The following PTPRR variants were observed in gnomAD, a reference collection of about 807,000 sequenced individuals.
PTPRR encodes the protein receptor-type tyrosine-protein phosphatase R.
Under a neutral mutation model 77.2 loss-of-function variants are expected in PTPRR, and 38 were observed. The ratio of observed to expected loss-of-function variants is 0.49; its 90% CI spans 0.38 to 0.65. The LOEUF (loss-of-function observed/expected upper bound fraction) is 0.65, where lower values mean the gene tolerates loss of function less well. Ranked by LOEUF, PTPRR falls within the 30% of genes least tolerant of loss-of-function variation. The pLI is 0.00. For missense variants in PTPRR, 744 were observed against 799.2 expected (o/e 0.93, Z 0.83); for synonymous variants, 299 against 283.1 (o/e 1.06, Z -0.57).
At chr12:70,680,380 C>T (rs2136721213) in intron 10 of PTPRR, among the ~76,000 whole-genome samples, 1 of 152,222 alleles carries the variant, frequency 6.6e-6, no homozygotes, top group South Asian at 2.1e-4. Context: ...TATGGAGTGA[C>T]TTTTGAAGGG....
At chr12:70,815,048 G>A (rs1384415520) in intron 2 of PTPRR, among the ~76,000 whole-genome samples, 1 of 150,630 alleles carries the variant, frequency 6.6e-6, no homozygotes, top group Non-Finnish European at 1.5e-5. Context: ...TTGTAGATAA[G>A]GGCATTAAAA....
Position 70,734,168 on chromosome 12 carries a change from C to T in PTPRR, c.1007+11650G>A, listed in dbSNP as rs565416476. Among the ~76,000 whole-genome samples, 5 of 151,532 alleles carry T rather than the reference C, an allele frequency of 3.3e-5. No individual in the cohort carries two copies. In the East Asian group the frequency reaches 7.8e-4, roughly 24 times the overall value. On this transcript the variant is annotated intron_variant, in intron 6 of 13. Transcript: ENST00000283228. Reference sequence around the variant, plus strand: ...AGGCCATTTCACCTAATTCTGTCAACCTATACATCAAGATTTGGAACATGG... The same window carrying T: ...AGGCCATTTCACCTAATTCTGTCAATCTATACATCAAGATTTGGAACATGG...
intron 2 of PTPRR, among the ~76,000 whole-genome samples, chr12:70,815,886 A>G (rs1275003460): frequency 6.6e-6 from 1 of 152,184 alleles, no homozygotes; most frequent in African/African-American, 2.4e-5. Flanking sequence ...TCCAAGTGCT[A>G]TGGCCTAAAC....
At chr12:70,691,317 C>T (rs1281388357) in intron 8 of PTPRR, among the ~76,000 whole-genome samples, 1 of 151,884 alleles carries the variant, frequency 6.6e-6, no homozygotes, top group Non-Finnish European at 1.5e-5. Flanking sequence ...ATCCTTTTTT[C>T]GAGTTTTCTC....
At chr12:70,650,985 TGATA>T (rs1886372914) in intron 13 of PTPRR, among the ~76,000 whole-genome samples, 1 of 152,308 alleles carries the variant, frequency 6.6e-6, no homozygotes, top group East Asian at 1.9e-4. Flanking sequence ...TTGAAGTATT[TGATA>T]CTTTTTAATC....
chr12:70,689,540 A>T (rs74101545), intron 8 of PTPRR, among the ~76,000 whole-genome samples: 5,048 of 152,212 alleles, frequency 0.033, 155 homozygotes, highest in African/African-American at 0.071. Flanking sequence ...GAATTTTAAC[A>T]TTGAGAGTGA....
chr12:70,758,769 A>G (rs17108734), intron 4 of PTPRR, among the ~76,000 whole-genome samples: 4,439 of 152,280 alleles, frequency 0.029, 235 homozygotes, highest in African/African-American at 0.1. Context: ...GGCACAGTGT[A>G]GTAACTTTAT....
intron 2 of PTPRR, among the ~76,000 whole-genome samples, chr12:70,820,689 G>A (rs1891991983): frequency 6.6e-6 from 1 of 152,200 alleles, no homozygotes; most frequent in East Asian, 1.9e-4. Flanking sequence ...GGCAAGAGGA[G>A]TTTCAGCAAG....
At chr12:70,768,003 A>T (rs1371937119) in intron 2 of PTPRR, among the ~76,000 whole-genome samples, 1 of 152,192 alleles carries the variant, frequency 6.6e-6, no homozygotes, top group East Asian at 1.9e-4. Flanking sequence ...TCTCTGGGAC[A>T]CATTCAAAGC....
intron 11 of PTPRR, among the ~76,000 whole-genome samples, chr12:70,661,912 T>A (rs1474046083): frequency 6.6e-6 from 1 of 152,196 alleles, no homozygotes; most frequent in Non-Finnish European, 1.5e-5. Context: ...TTTTGGGTGA[T>A]TATTCTCCAG....
intron 3 of PTPRR, among the ~76,000 whole-genome samples, chr12:70,763,084 G>T (rs1282015742): frequency 6.6e-6 from 1 of 151,034 alleles, no homozygotes; most frequent in African/African-American, 2.4e-5. Flanking sequence ...ATTTTTATAT[G>T]TATATATTGT....
At position 70,862,788 on chromosome 12, in the gene PTPRR, G is replaced by C. The variant is rs562841500; in HGVS notation, c.357+29891C>G. ...AACTAAGGTGGTTAGAAAATTCAAA[G>C]GGTAAAAATTAAAGAAATTAAATCA... is the stretch of plus-strand genomic sequence containing the variant. On this transcript the variant is annotated intron_variant, in intron 2 of 13. Transcript: ENST00000283228. 2.7e-3 allele frequency among the ~76,000 whole-genome samples: 409 copies of C among 151,986 alleles called. 1 individual carries two copies. The highest frequency in any genetic ancestry group is 5.1e-3 in the Non-Finnish European group (348 of 67,958).
rs541037578 is a variant in PTPRR at position 70,750,703 on chromosome 12, G to A, written c.738+3488C>T. 1.1e-4 allele frequency among the ~76,000 whole-genome samples: 17 copies of A among 152,040 alleles called. 1 individual carries two copies. The highest frequency in any genetic ancestry group is 7.2e-4 in the Admixed American group (11 of 15,262). On this transcript the variant is annotated intron_variant, in intron 5 of 13. Coordinates refer to ENST00000283228, the MANE Select transcript of PTPRR (RefSeq NM_002849.4). ...TATGAACTTCCCGTCTGTGTGCTGCGGGTTCCTCTGTTACTTTTCAGAATT... is the reference window on the plus strand; with the variant it reads ...TATGAACTTCCCGTCTGTGTGCTGCAGGTTCCTCTGTTACTTTTCAGAATT...
chr12:70,656,769 A>G lies in PTPRR; in HGVS notation c.1815T>C (p.Cys605=), dbSNP rs750652766. 6.2e-7 allele frequency: 1 copy of G among 1,614,022 alleles called. No homozygotes were observed. The highest frequency in any genetic ancestry group is 1.7e-5 in the Admixed American group (1 of 60,018). The change falls in exon 13 of 14, where the codon TGT becomes TGC. Residue 605 remains cysteine, a synonymous_variant. Transcript: ENST00000283228. Reference sequence around the variant, plus strand: ...CAACTCCTTCTTCTTTCAGCTGTTGACAGCCAATGGATGTAGCAATAAAAC... The same window carrying G: ...CAACTCCTTCTTCTTTCAGCTGTTGGCAGCCAATGGATGTAGCAATAAAAC... ...TGCFIATSIG[C]QQLKEEGVVD...
intron 2 of PTPRR, among the ~76,000 whole-genome samples, chr12:70,767,814 C>G (rs1376911891): frequency 6.6e-6 from 1 of 152,196 alleles, no homozygotes; most frequent in Admixed American, 6.5e-5. Flanking sequence ...TAACAATTGT[C>G]TCTCAGACCA....
chr12:70,797,240 G>C (rs1891532053), intron 2 of PTPRR, among the ~76,000 whole-genome samples: 1 of 152,116 alleles, frequency 6.6e-6, no homozygotes, highest in Non-Finnish European at 1.5e-5. Flanking sequence ...GCATACAGTA[G>C]TTATGAAGGC....
intron 6 of PTPRR, among the ~76,000 whole-genome samples, chr12:70,714,799 A>C (rs1038627856): frequency 1.3e-5 from 2 of 152,122 alleles, no homozygotes; most frequent in African/African-American, 2.4e-5. Context: ...AGCCAAGGGA[A>C]CATGGCAAAA....
chr12:70,696,635 CA>C (rs1565652297), intron 8 of PTPRR, among the ~76,000 whole-genome samples: 1 of 152,134 alleles, frequency 6.6e-6, no homozygotes, highest in African/African-American at 2.4e-5. Context: ...ACATTCCATA[CA>C]ATCCCCCCAT....
intron 6 of PTPRR, among the ~76,000 whole-genome samples, chr12:70,742,672 A>G: frequency 6.6e-6 from 1 of 152,224 alleles, no homozygotes; most frequent in African/African-American, 2.4e-5. Flanking sequence ...AACCAGTTTA[A>G]GAGGTCTAGA....
Sources: gnomAD v4.1 joint callset for allele counts (sites outside exome capture counted in the v4.1 genomes callset) on GRCh38, gnomAD v4.1.1 for gene constraint, MANE v1.5 for transcripts, NCBI Gene and HGNC (gene_info 2026-07-23, HGNC 2026-07-21) for gene names.